The following RAB11FIP1 variants were observed in gnomAD, a reference collection of about 807,000 sequenced individuals.
RAB11FIP1 encodes rab11 family-interacting protein 1.
A neutral mutation model predicts 83.1 loss-of-function variants in RAB11FIP1; 49 were observed. That is an observed-to-expected ratio of 0.59 (90% CI 0.47 to 0.75). RAB11FIP1 has a LOEUF of 0.75. Ranked by LOEUF, RAB11FIP1 falls within the 30% of genes least tolerant of loss-of-function variation. RAB11FIP1 has a pLI of 0.00. For synonymous variants in RAB11FIP1, 670 were observed against 656.0 expected, an observed-to-expected ratio of 1.02 and a Z score of -0.33; for missense variants, 1,536 against 1,598.7, an observed-to-expected ratio of 0.96 and a Z score of 0.67.
At chr8:37,883,450 G>A (rs944810779) in intron 1 of RAB11FIP1, among the ~76,000 whole-genome samples, 5 of 152,192 alleles carry the variant, frequency 3.3e-5, no homozygotes, top group African/African-American at 1.2e-4. Flanking sequence ...GATTACAGGC[G>A]TGAGCCACTG....
At position 37,868,148 on chromosome 8, in the gene RAB11FIP1, G is replaced by A. The variant is rs140284813; in HGVS notation, c.3633+2272C>T. ...ATTAAAAAACAAAACAAGGCTGGGC[G>A]CGGTGGCTCACGCCTGTAATCCCAG... On this transcript the variant is annotated intron_variant, in intron 5 of 5. Transcript: ENST00000330843. 2.7e-3 allele frequency among the ~76,000 whole-genome samples: 404 copies of A among 152,268 alleles called. 3 individuals carry two copies. Among genetic ancestry groups the A allele is most frequent in the African/African-American group, 9.0e-3 (374 of 41,550 alleles).
Position 37,875,128 on chromosome 8 carries a change from C to G in RAB11FIP1, c.1009G>C (p.Asp337His), listed in dbSNP as rs1439122670. The G allele has an allele frequency of 1.9e-6, 3 of 1,613,950 alleles. No homozygotes were observed. The highest frequency in any genetic ancestry group is 2.5e-6 in the Non-Finnish European group (3 of 1,180,004). The part of the protein sequence containing the change: ...EQPEAKGEIK[D>H]SSPSSSPSPK... Reference sequence around the variant, plus strand: ...GATGGGGAGGAGGACGGGCTGCTATCCTTGATCTCACCCTTGGCTTCTGGC... The same window carrying G: ...GATGGGGAGGAGGACGGGCTGCTATGCTTGATCTCACCCTTGGCTTCTGGC... Residue 337 changes from aspartate (D) to histidine (H), a missense_variant, in exon 3 of 6, where the codon GAT becomes CAT. By Grantham distance (81) the Asp-to-His change is moderately conservative (BLOSUM62 -1). Transcript: ENST00000330843.
intron 1 of RAB11FIP1, among the ~76,000 whole-genome samples, chr8:37,897,429 T>C (rs1447043105): frequency 6.7e-6 from 1 of 149,534 alleles, no homozygotes; most frequent in African/African-American, 2.5e-5. Context: ...GACTGGCCTG[T>C]GTATTTAAGA....
intron 1 of RAB11FIP1, among the ~76,000 whole-genome samples, chr8:37,890,218 T>C (rs1806918837): frequency 6.6e-6 from 1 of 152,240 alleles, no homozygotes; most frequent in African/African-American, 2.4e-5. Flanking sequence ...AGTCGACTGC[T>C]ACTGTATTTC....
chr8:37,876,997 T>C (rs1027232863), intron 2 of RAB11FIP1, 112 bp downstream of exon 2: 2 of 805,470 alleles, frequency 2.5e-6, no homozygotes, highest in Non-Finnish European at 3.9e-6. Context: ...GATTTTGTAA[T>C]TGAGGAATTG....
intron 5 of RAB11FIP1, among the ~76,000 whole-genome samples, chr8:37,863,697 G>A (rs1806287163): frequency 6.6e-6 from 1 of 152,124 alleles, no homozygotes; most frequent in Non-Finnish European, 1.5e-5. Flanking sequence ...TGTTTGTTTT[G>A]TTTTATTTTG....
rs779391268 is a variant in RAB11FIP1 at position 37,875,139 on chromosome 8, C to A, written c.998G>T (p.Gly333Val). Reference protein sequence around the residue: ...HVYLEQPEAKGEIKDSSPSSS... With the variant: ...HVYLEQPEAKVEIKDSSPSSS... ...GGACGGGCTGCTATCCTTGATCTCA[C>A]CCTTGGCTTCTGGCTGCTCCAGGTA... The change falls in exon 3 of 6, where the codon GGT becomes GTT. Residue 333 changes from glycine (G) to valine (V), a missense_variant. Physicochemically the swap from Gly to Val is moderately radical, Grantham distance 109. Coordinates refer to ENST00000330843, the MANE Select transcript of RAB11FIP1 (RefSeq NM_001002814.3). The A allele has an allele frequency of 3.7e-6, 6 of 1,613,992 alleles. No individual in the cohort carries two copies. Among genetic ancestry groups the A allele is most frequent in the Non-Finnish European group, 5.1e-6 (6 of 1,180,010 alleles).
In RAB11FIP1 at chr8:37,899,139, G is replaced by C. The variant is rs774534880; in HGVS notation, c.303C>G (p.Asp101Glu). 1.3e-6 allele frequency: 2 copies of C among 1,544,130 alleles called. No homozygotes were observed. The highest frequency in any genetic ancestry group is 2.3e-5 in the South Asian group (2 of 85,164). ...TVLHRALLGLDKFLGRAEVDL... is the reference protein window; with the variant it reads ...TVLHRALLGLEKFLGRAEVDL... ...CCACCTCGGCGCGGCCCAGGAACTT[G>C]TCGAGGCCGAGCAGCGCGCGGTGCA... Residue 101 changes from aspartate (D) to glutamate (E), a missense_variant, in exon 1 of 6, where the codon GAC (aspartate) becomes GAG (glutamate). Transcript: ENST00000330843. This position sits in a 1 kb window ranked among gnomAD's most constrained non-coding sequence, Gnocchi z 4.5.
In RAB11FIP1 at chr8:37,871,957, A is replaced by G. The variant is rs745565485; in HGVS notation, c.2845T>C (p.Ser949Pro). ...AAGTTCAGATCGGCCATGATTGGAGATTTAAAATCTGAGACCAACTGAAGG... is the reference window on the plus strand; with the variant it reads ...AAGTTCAGATCGGCCATGATTGGAGGTTTAAAATCTGAGACCAACTGAAGG... ...SDLQLVSDFK[S>P]PIMADLNLSL... The change falls in exon 4 of 6, where the codon TCT (serine) becomes CCT (proline). Residue 949 changes from serine to proline, a missense_variant. Coordinates refer to ENST00000330843, the MANE Select transcript of RAB11FIP1 (RefSeq NM_001002814.3). The G allele has an allele frequency of 3.2e-5, 51 of 1,614,032 alleles. No homozygotes were observed. Among genetic ancestry groups the G allele is most frequent in the Middle Eastern group, 3.3e-4 (2 of 6,084 alleles).
At chr8:37,888,186 A>G (rs1806871126) in intron 1 of RAB11FIP1, among the ~76,000 whole-genome samples, 1 of 152,206 alleles carries the variant, frequency 6.6e-6, no homozygotes, top group African/African-American at 2.4e-5. Flanking sequence ...AGCTCACTGC[A>G]GCCTCTGCCT....
At position 37,862,097 on chromosome 8, in the gene RAB11FIP1, C is replaced by G. The variant is rs1372822902; in HGVS notation, c.*798G>C. 6.6e-6 allele frequency: 1 copy of G among 152,624 alleles called. No individual in the cohort carries two copies. The highest frequency in any genetic ancestry group is 2.4e-5 in the African/African-American group (1 of 41,464). The allele number at this position is 152,624 out of a possible 1,614,324, so 9.5% of individuals were successfully genotyped here. On this transcript the variant is annotated 3_prime_UTR_variant, in exon 6 of 6. Transcript: ENST00000330843. ...AAAGCGCTGAATAGGCTGGTCTAGC[C>G]AGCAGGAACCTGGCTGTCATAAGAG...
At chr8:37,876,248 AG>A (rs1438895293) in intron 2 of RAB11FIP1, among the ~76,000 whole-genome samples, 2,054 of 151,010 alleles carry the variant, frequency 0.014, 49 homozygotes, top group African/African-American at 0.048. Context: ...GAAGGAAGGA[AG>A]GAAGGAAGGA....
intron 4 of RAB11FIP1, 66 bp from the exon 5 acceptor site, chr8:37,870,594 G>T: frequency 1.2e-6 from 1 of 800,918 alleles, no homozygotes; most frequent in Non-Finnish European, 2.1e-6. Flanking sequence ...ACTGCCCACT[G>T]CAAAGACGGC....
intron 3 of RAB11FIP1, 151 bp downstream of exon 3, chr8:37,874,364 G>A: frequency 3.1e-6 from 2 of 653,214 alleles, no homozygotes; most frequent in Non-Finnish European, 5.2e-6. Context: ...CTGGCAGTAG[G>A]GACTGGTTAA....
rs140305120 is a variant in RAB11FIP1 at position 37,863,755 on chromosome 8, G to A, written c.3634-642C>T. Among the ~76,000 whole-genome samples the A allele has an allele frequency of 7.9e-5, 12 of 152,236 alleles. No individual in the cohort carries two copies. In the East Asian group the frequency reaches 2.1e-3, roughly 27 times the overall value. ...AAAAACCATACTTGCCTCACAGGTC[G>A]AGGACCTCTGGACTTGACTCTGGGT... On this transcript the variant is annotated intron_variant, in intron 5 of 5. Coordinates refer to ENST00000330843, the MANE Select transcript of RAB11FIP1 (RefSeq NM_001002814.3).
At chr8:37,863,974 G>A (rs575553911) in intron 5 of RAB11FIP1, among the ~76,000 whole-genome samples, 122 of 152,374 alleles carry the variant, frequency 8.0e-4, no homozygotes, top group Middle Eastern at 3.4e-3. Flanking sequence ...CAGGGCAGCA[G>A]GTCGAGGTCC....
intron 2 of RAB11FIP1, among the ~76,000 whole-genome samples, chr8:37,876,209 G>GA (rs1248079286): frequency 4.9e-4 from 66 of 135,794 alleles, no homozygotes; most frequent in Non-Finnish European, 7.9e-4. Context: ...GAAAAGAAAA[G>GA]AAAGAAAGGA....
rs1386601299 is a variant in RAB11FIP1 at position 37,860,687 on chromosome 8, T to C, written c.*2208A>G. 6.6e-6 allele frequency: 1 copy of C among 152,670 alleles called. No homozygotes were observed. The highest frequency in any genetic ancestry group is 1.5e-5 in the Non-Finnish European group (1 of 68,044). 9.5% of individuals were successfully genotyped at this position (152,670 alleles called of 1,614,324 possible). On this transcript the variant is annotated 3_prime_UTR_variant, in exon 6 of 6. Coordinates refer to ENST00000330843, the MANE Select transcript of RAB11FIP1 (RefSeq NM_001002814.3). ...CAGAGTTCAAGTGAACATACAGTTT[T>C]CTTTATAAGTATGTAAATAAATTTC...
chr8:37,897,112 C>A (rs1325957276), intron 1 of RAB11FIP1, among the ~76,000 whole-genome samples: 1 of 152,086 alleles, frequency 6.6e-6, no homozygotes, highest in Admixed American at 6.5e-5. Flanking sequence ...AAACACTGCT[C>A]ACCTTATGGC....
Sources: gnomAD v4.1 joint callset for allele counts (sites outside exome capture counted in the v4.1 genomes callset) on GRCh38, gnomAD v4.1.1 for gene constraint, Gnocchi (gnomAD v3.1) non-coding constraint, MANE v1.5 for transcripts, NCBI Gene and HGNC (gene_info 2026-07-23, HGNC 2026-07-21) for gene names.